FCF1: variants seen among roughly 807,000 people sequenced by gnomAD.
FCF1 encodes the protein rRNA-processing protein FCF1 homolog.
A neutral mutation model predicts 32.5 loss-of-function variants in FCF1; 17 were observed. The ratio of observed to expected loss-of-function variants is 0.52; its 90% CI spans 0.36 to 0.78. The LOEUF is 0.78. Ranked by LOEUF, FCF1 falls within the 30% of genes least tolerant of loss-of-function variation. FCF1 has a pLI of 0.00. For missense variants in FCF1, 201 were observed against 241.1 expected (o/e 0.83, Z 1.10); for synonymous variants, 84 against 78.4 (o/e 1.07, Z -0.38).
At chr14:74,732,454 G>A (rs937372112) in intron 5 of FCF1, among the ~76,000 whole-genome samples, 2 of 152,166 alleles carry the variant, frequency 1.3e-5, no homozygotes, top group African/African-American at 4.8e-5. Flanking sequence ...CAGCTGTATA[G>A]CTTTGAATGA....
chr14:74,729,222 CATCTGGTCCTGGACTCT>C (rs1300797605), intron 5 of FCF1, among the ~76,000 whole-genome samples: 1 of 152,068 alleles, frequency 6.6e-6, no homozygotes, highest in Admixed American at 6.5e-5. Flanking sequence ...GCTGTGAATC[CATCTGGTCCTGGACTCT>C]TTTTGGTTGG....
chr14:74,735,176 A>G lies in FCF1; in HGVS notation c.*246A>G. On this transcript the variant is annotated 3_prime_UTR_variant, in exon 8 of 8. Coordinates refer to ENST00000341162, the MANE Select transcript of FCF1 (RefSeq NM_015962.5). ...GGTTGGGGGGAATCTGTGCAGGGGG[A>G]AGCATATTACAGAAGCAAGAAAGAC... is the stretch of plus-strand genomic sequence containing the variant. The G allele has an allele frequency of 2.3e-6, 1 of 430,640 alleles. No homozygotes were observed. The highest frequency in any genetic ancestry group is 4.1e-6 in the Non-Finnish European group (1 of 242,174). The allele number at this position is 430,640 out of a possible 1,614,324, so 26.7% of individuals were successfully genotyped here. A position where few individuals can be genotyped will look rare whatever the true frequency, so the allele number is the denominator to read the frequency against.
At position 74,723,352 on chromosome 14, in the gene FCF1, G is replaced by T; in HGVS notation, c.365+8G>T. ...GTATCGAGTGGCTCTAAGGTAGGAA[G>T]GAGGTAAACTAGATCTGTTCTAGAT... On this transcript the variant is annotated splice_region_variant and intron_variant, in intron 5 of 7. Coordinates refer to ENST00000341162, the MANE Select transcript of FCF1 (RefSeq NM_015962.5). 1 of 1,602,476 alleles carries T rather than the reference G, an allele frequency of 6.2e-7. No homozygotes were observed. The highest frequency in any genetic ancestry group is 8.5e-7 in the Non-Finnish European group (1 of 1,169,792).
chr14:74,722,712 A>T (rs2090522058), intron 4 of FCF1, among the ~76,000 whole-genome samples: 1 of 152,080 alleles, frequency 6.6e-6, no homozygotes, highest in Non-Finnish European at 1.5e-5. Context: ...AGACAGGAGG[A>T]ATGATTGATC....
chr14:74,726,088 C>T (rs1208802256), intron 5 of FCF1, among the ~76,000 whole-genome samples: 28 of 151,796 alleles, frequency 1.8e-4, no homozygotes, highest in Admixed American at 1.8e-3. Flanking sequence ...AATAGATAAG[C>T]TGTGGAATGC....
At chr14:74,717,938 G>A (rs1467280154) in intron 4 of FCF1, among the ~76,000 whole-genome samples, 2 of 152,092 alleles carry the variant, frequency 1.3e-5, no homozygotes, top group African/African-American at 4.8e-5. Flanking sequence ...GCGTTGGCGT[G>A]ATCTCAGCTC....
intron 5 of FCF1, among the ~76,000 whole-genome samples, chr14:74,727,333 T>C (rs1296063539): frequency 6.6e-6 from 1 of 151,888 alleles, no homozygotes; most frequent in Admixed American, 6.6e-5. Context: ...ATTGTGGTTT[T>C]GATTTGCATT....
intron 5 of FCF1, 97 bp from the exon 6 acceptor site, chr14:74,732,634 C>G: frequency 2.4e-6 from 2 of 817,950 alleles, no homozygotes; most frequent in South Asian, 3.1e-5. Context: ...AGAACAGTGC[C>G]TTAAAATCTC....
chr14:74,724,254 G>A (rs2090546148), intron 5 of FCF1, among the ~76,000 whole-genome samples: 1 of 152,086 alleles, frequency 6.6e-6, no homozygotes, highest in Non-Finnish European at 1.5e-5. Context: ...GGATCACAAT[G>A]CCTGGTGGGT....
At chr14:74,717,185 A>G (rs367724831) in intron 4 of FCF1, among the ~76,000 whole-genome samples, 44 of 151,510 alleles carry the variant, frequency 2.9e-4, no homozygotes, top group African/African-American at 9.5e-4. Flanking sequence ...GTGAAACCCC[A>G]TATCTACTAA....
rs771390230 is a variant in FCF1, at chr14:74,723,260, T to C, written c.293-12T>C. 3.7e-6 allele frequency: 6 copies of C among 1,608,038 alleles called. No homozygotes were observed. Among genetic ancestry groups the C allele is most frequent in the Non-Finnish European group, 5.1e-6 (6 of 1,174,888 alleles). ...AAGTTCTGTTCTTAATGTGAATTTT[T>C]TTCCCTGGCAGGTATCCCATGTATA... is the stretch of plus-strand genomic sequence containing the variant. On this transcript the variant is annotated splice_polypyrimidine_tract_variant and intron_variant, in intron 4 of 7. Transcript: ENST00000341162.
At chr14:74,725,766 C>A (rs1388541720) in intron 5 of FCF1, among the ~76,000 whole-genome samples, 5 of 151,914 alleles carry the variant, frequency 3.3e-5, no homozygotes, top group African/African-American at 9.7e-5. Context: ...AACCCTGTCT[C>A]TACTAAAAAT....
At chr14:74,716,585 T>C (rs757470637) in intron 4 of FCF1, among the ~76,000 whole-genome samples, 1 of 152,204 alleles carries the variant, frequency 6.6e-6, no homozygotes, top group Non-Finnish European at 1.5e-5. Flanking sequence ...GTACAGAGGA[T>C]CTGAGGTAGT....
At chr14:74,727,001 T>C (rs1325719034) in intron 5 of FCF1, among the ~76,000 whole-genome samples, 1 of 152,106 alleles carries the variant, frequency 6.6e-6, no homozygotes, top group African/African-American at 2.4e-5. Context: ...TAATCCAGTC[T>C]ATCATTGTTG....
chr14:74,727,358 T>C (rs1341687384), intron 5 of FCF1, among the ~76,000 whole-genome samples: 1 of 152,030 alleles, frequency 6.6e-6, no homozygotes, highest in East Asian at 1.9e-4. Context: ...TGATGGCCAG[T>C]GATGGTGAGC....
At chr14:74,733,223 C>T (rs2090660701) in intron 6 of FCF1, among the ~76,000 whole-genome samples, 1 of 152,120 alleles carries the variant, frequency 6.6e-6, no homozygotes, top group Non-Finnish European at 1.5e-5. Context: ...TCCAAAAGTG[C>T]TTCTTAGTTA....
rs954139612 is a variant in FCF1, at chr14:74,734,277, A to G, written c.548+107A>G. ...AGGATTTGAAAGAAATTATTGTATC[A>G]AATGTTTACATAGTTATATTTGAAG... On this transcript the variant is annotated intron_variant, in intron 7 of 7. Coordinates refer to ENST00000341162, the MANE Select transcript of FCF1 (RefSeq NM_015962.5). The G allele has an allele frequency of 2.2e-5, 14 of 650,470 alleles. No homozygotes were observed. In the Admixed American group the frequency reaches 3.4e-4, roughly 16 times the overall value. The allele number at this position is 650,470 out of a possible 1,614,324, so 40.3% of individuals were successfully genotyped here.
intron 4 of FCF1, among the ~76,000 whole-genome samples, chr14:74,718,318 A>G (rs762332984): frequency 3.3e-5 from 5 of 152,260 alleles, no homozygotes; most frequent in African/African-American, 4.8e-5. Flanking sequence ...TCTTCTGCCT[A>G]TGAATCCTGA....
intron 5 of FCF1, 28 bp downstream of exon 5, chr14:74,723,372 C>G: frequency 6.7e-7 from 1 of 1,498,970 alleles, no homozygotes; most frequent in Non-Finnish European, 9.3e-7. Context: ...TAGATCTGTT[C>G]TAGATTGGTA....
Sources: gnomAD v4.1 joint callset for allele counts (sites outside exome capture counted in the v4.1 genomes callset) on GRCh38, gnomAD v4.1.1 for gene constraint, MANE v1.5 for transcripts, NCBI Gene and HGNC (gene_info 2026-07-23, HGNC 2026-07-21) for gene names.